Variants in MYOF observed in about 807,000 individuals in gnomAD.
The protein encoded by MYOF is myoferlin, also known as fer-1-like 3, myoferlin.
MYOF carries 244 observed loss-of-function variants against 284.2 expected under a neutral mutation model. The ratio of observed to expected loss-of-function variants is 0.86; its 90% confidence interval spans 0.77 to 0.95. MYOF has a LOEUF of 0.95. Ranked by LOEUF, MYOF falls within the 40% of genes least tolerant of loss-of-function variation. MYOF has a pLI of 0.00. For missense variants in MYOF, 2,496 were observed against 2,560.6 expected, an observed-to-expected ratio of 0.97 and a Z score of 0.54; for synonymous variants, 904 against 919.7, an observed-to-expected ratio of 0.98 and a Z score of 0.31.
At chr10:93,390,334 A>G (rs1249522669) in intron 17 of MYOF, among the ~76,000 whole-genome samples, 1 of 152,230 alleles carries the variant, frequency 6.6e-6, no homozygotes. Flanking sequence ...CACAGGCAGA[A>G]AAGAGCTGAA....
At chr10:93,312,412 C>G (rs1842429160) in intron 51 of MYOF, among the ~76,000 whole-genome samples, 2 of 152,214 alleles carry the variant, frequency 1.3e-5, no homozygotes, top group Admixed American at 1.3e-4. Context: ...GTGGCACGAT[C>G]TTGGCTCACT....
chr10:93,398,964 C>T (rs1177882157), intron 13 of MYOF, among the ~76,000 whole-genome samples: 1 of 151,520 alleles, frequency 6.6e-6, no homozygotes, highest in Non-Finnish European at 1.5e-5. Flanking sequence ...GACCCATTCT[C>T]TGGTTTCAAC....
At position 93,395,638 on chromosome 10, in the gene MYOF, CAGAGT is replaced by C. The variant is rs200599460; in HGVS notation, c.1417+499_1417+503del. Among the ~76,000 whole-genome samples the C allele has an allele frequency of 8.6e-3, 1,304 of 151,812 alleles. 13 individuals are homozygous for C. Among genetic ancestry groups the C allele is most frequent in the African/African-American group, 0.03 (1,233 of 41,286 alleles). On this transcript the variant is annotated intron_variant, in intron 16 of 53. Coordinates refer to ENST00000359263, the MANE Select transcript of MYOF (RefSeq NM_013451.4). ...CAATGTGTTGGCTATCAATGCTTGT[CAGAGT>C]AAAGACCAAATACACATTATCTTAG...
At chr10:93,434,707 T>A (rs1194200835) in intron 3 of MYOF, among the ~76,000 whole-genome samples, 3 of 152,220 alleles carry the variant, frequency 2.0e-5, no homozygotes, top group East Asian at 1.9e-4. Context: ...AAGGAAATTT[T>A]AAAAATAAAA....
At chr10:93,435,660 T>C (rs1256664715) in intron 3 of MYOF, among the ~76,000 whole-genome samples, 2 of 152,188 alleles carry the variant, frequency 1.3e-5, no homozygotes, top group Non-Finnish European at 2.9e-5. Flanking sequence ...AACTATCTAA[T>C]GTTAAATATT....
chr10:93,396,405 C>T (rs1293739420), intron 15 of MYOF, among the ~76,000 whole-genome samples, 181 bp from the exon 16 acceptor site: 2 of 152,086 alleles, frequency 1.3e-5, no homozygotes, highest in Non-Finnish European at 2.9e-5. Flanking sequence ...CTAGAGACTT[C>T]TCACCCTCAT....
At chr10:93,440,524 T>C (rs1188144674) in intron 3 of MYOF, among the ~76,000 whole-genome samples, 1 of 152,190 alleles carries the variant, frequency 6.6e-6, no homozygotes, top group East Asian at 1.9e-4. Flanking sequence ...TTTCTTCGTA[T>C]CACTTATCAC....
chr10:93,386,841 G>A (rs1452623359), intron 19 of MYOF, among the ~76,000 whole-genome samples: 4 of 152,162 alleles, frequency 2.6e-5, no homozygotes, highest in East Asian at 1.9e-4. Flanking sequence ...GACATCAGAC[G>A]ACTAGAGGGA....
chr10:93,388,899 T>C (rs1846533421), intron 18 of MYOF, 131 bp downstream of exon 18: 3 of 1,252,436 alleles, frequency 2.4e-6, no homozygotes, highest in Non-Finnish European at 3.2e-6. Flanking sequence ...TCCACAGTCT[T>C]TTCCTATCTT....
intron 1 of MYOF, among the ~76,000 whole-genome samples, chr10:93,473,022 G>A (rs2057185511): frequency 6.6e-6 from 1 of 152,220 alleles, no homozygotes; most frequent in African/African-American, 2.4e-5. Flanking sequence ...ACACTCTGTA[G>A]ATGAGGAAAT....
chr10:93,309,811 A>G (rs1045549298), intron 53 of MYOF, among the ~76,000 whole-genome samples: 9 of 152,240 alleles, frequency 5.9e-5, no homozygotes, highest in African/African-American at 1.9e-4. Flanking sequence ...GATCATAAAG[A>G]AAAGTTCTGC....
intron 37 of MYOF, 45 bp from the exon 38 acceptor site, chr10:93,343,977 C>T (rs764545739): frequency 3.7e-6 from 6 of 1,603,506 alleles, no homozygotes; most frequent in Non-Finnish European, 5.1e-6. Context: ...TAGAGAAATA[C>T]AGTGGTGAAC....
At position 93,361,512 on chromosome 10, in the gene MYOF, C is replaced by T. The variant is rs540652536; in HGVS notation, c.2914G>A (p.Gly972Ser). ...CATGCATCATCTTCCCATTCCCAAC[C>T]TGGAGGACAAGTCAACTCGCTGGGT... ...ASPSELTCPPGWEWEDDAWSY... is the reference protein window; with the variant it reads ...ASPSELTCPPSWEWEDDAWSY... Residue 972 changes from glycine (G) to serine (S), a missense_variant, in exon 28 of 54, where the codon GGT becomes AGT. Around this residue, in one of 3 missense-constraint regions of MYOF, gnomAD observed 2,436 missense variants for 2,480.7 expected, o/e 0.98. Transcript: ENST00000359263. The T allele has an allele frequency of 1.9e-6, 3 of 1,614,230 alleles. No homozygotes were observed. Among genetic ancestry groups the T allele is most frequent in the South Asian group, 2.2e-5 (2 of 91,072 alleles).
In MYOF at chr10:93,333,234, G is replaced by T. The variant is rs200147618; in HGVS notation, c.4798C>A (p.Pro1600Thr). 3.7e-6 allele frequency: 6 copies of T among 1,613,940 alleles called. No individual in the cohort carries two copies. Among genetic ancestry groups the T allele is most frequent in the Admixed American group, 1.7e-5 (1 of 60,022 alleles). Residue 1600 changes from proline to threonine, a missense_variant, in exon 43 of 54, where the codon CCA (proline) becomes ACA (threonine). Around this residue, in one of 3 missense-constraint regions of MYOF, gnomAD observed 2,436 missense variants for 2,480.7 expected, o/e 0.98. Coordinates refer to ENST00000359263, the MANE Select transcript of MYOF (RefSeq NM_013451.4). ...RDHYIPNTLN[P>T]VFGRMYELSC... ...AATGTATATTACCTGCCAAAGACTGGGTTGAGAGTGTTGGGAATGTAGTGA... is the reference window on the plus strand; with the variant it reads ...AATGTATATTACCTGCCAAAGACTGTGTTGAGAGTGTTGGGAATGTAGTGA...
Position 93,323,378 on chromosome 10 carries a change from A to AAAGAGGACTG in MYOF, c.5272-30_5272-21dup. On this transcript the variant is annotated intron_variant, in intron 46 of 53. Coordinates refer to ENST00000359263, the MANE Select transcript of MYOF (RefSeq NM_013451.4). The stretch of plus-strand genomic sequence containing the variant: ...TTTTCCCTAAACCATTTGAAAATGA[A>AAAGAGGACTG]AAGAGGACTGAAGTTATATGATGGG... The AAAGAGGACTG allele has an allele frequency of 3.1e-6, 5 of 1,589,898 alleles. No individual in the cohort carries two copies. The highest frequency in any genetic ancestry group is 4.3e-6 in the Non-Finnish European group (5 of 1,162,484).
intron 37 of MYOF, 124 bp downstream of exon 37, chr10:93,347,493 A>G (rs1358002993): frequency 3.4e-6 from 3 of 878,786 alleles, no homozygotes; most frequent in Middle Eastern, 4.0e-4. Flanking sequence ...CGGAGCTTGC[A>G]GTGAGCCGAG....
intron 24 of MYOF, 32 bp downstream of exon 24, chr10:93,372,898 T>A (rs1192229863): frequency 6.2e-7 from 1 of 1,612,914 alleles, no homozygotes; most frequent in East Asian, 2.2e-5. Flanking sequence ...TTGCATTTAG[T>A]GTGTTTCACA....
At chr10:93,433,675 T>C (rs1270026590) in intron 3 of MYOF, among the ~76,000 whole-genome samples, 1 of 152,216 alleles carries the variant, frequency 6.6e-6, no homozygotes, top group Non-Finnish European at 1.5e-5. Context: ...GCAAACATGA[T>C]AATCAGGAAA....
intron 5 of MYOF, among the ~76,000 whole-genome samples, chr10:93,421,011 A>G (rs1287816193): frequency 1.3e-5 from 2 of 152,182 alleles, no homozygotes; most frequent in African/African-American, 4.8e-5. Context: ...TGAGGTCAGG[A>G]GTTCAAGACC....
Sources: allele counts gnomAD v4.1 joint callset (sites outside exome capture counted in the v4.1 genomes callset), GRCh38; gene constraint gnomAD v4.1.1; regional missense constraint gnomAD v4.1.1; transcripts MANE v1.5; gene names NCBI Gene and HGNC (gene_info 2026-07-23, HGNC 2026-07-21).